TMEM74: variants seen among roughly 807,000 people sequenced by gnomAD.
TMEM74 encodes transmembrane protein 74.
TMEM74 carries 13 observed loss-of-function variants against 18.1 expected under a neutral mutation model. The observed-to-expected ratio is 0.72, with a 90% CI of 0.47 to 1.14. The LOEUF is 1.14. Among genes scored for constraint, TMEM74 ranks in the 50% most tolerant of loss-of-function variants. The pLI is 0.00. For missense variants in TMEM74, 372 were observed against 375.9 expected, an observed-to-expected ratio of 0.99 and a Z score of 0.09; for synonymous variants, 159 against 146.6, an observed-to-expected ratio of 1.08 and a Z score of -0.61.
chr8:108,729,222 C>T (rs1813670677), intron 1 of TMEM74, among the ~76,000 whole-genome samples: 1 of 152,178 alleles, frequency 6.6e-6, no homozygotes, highest in African/African-American at 2.4e-5. Context: ...GATTGAGATT[C>T]CTTCCCTGCT....
intron 1 of TMEM74, among the ~76,000 whole-genome samples, chr8:108,673,984 G>A (rs573134003): frequency 3.9e-5 from 6 of 151,976 alleles, no homozygotes; most frequent in East Asian, 1.9e-4. Flanking sequence ...TTTTTATAAC[G>A]TCCCAAGTTA....
At chr8:108,637,958 G>A (rs145118104) in intron 2 of TMEM74, among the ~76,000 whole-genome samples, 43 of 152,170 alleles carry the variant, frequency 2.8e-4, no homozygotes, top group African/African-American at 9.6e-4. Context: ...AAATTTTTTG[G>A]TGTTCTCCTA....
chr8:108,740,919 A>T (rs1480495077), intron 1 of TMEM74, among the ~76,000 whole-genome samples: 1 of 152,200 alleles, frequency 6.6e-6, no homozygotes, highest in Non-Finnish European at 1.5e-5. Flanking sequence ...ATTGGAAGAA[A>T]AGCTGGAAAT....
chr8:108,670,719 G>A (rs1018553223), intron 1 of TMEM74, among the ~76,000 whole-genome samples: 14 of 152,096 alleles, frequency 9.2e-5, no homozygotes, highest in Middle Eastern at 3.4e-3. Context: ...TGAATTTGGC[G>A]GTTTGTAACA....
At chr8:108,735,070 A>G (rs1813734215) in intron 1 of TMEM74, among the ~76,000 whole-genome samples, 1 of 152,106 alleles carries the variant, frequency 6.6e-6, no homozygotes, top group Admixed American at 6.6e-5. Flanking sequence ...TTCTCCGTCA[A>G]TGTCCATGTA....
chr8:108,680,546 C>T (rs1813102656), intron 1 of TMEM74, among the ~76,000 whole-genome samples: 3 of 152,088 alleles, frequency 2.0e-5, no homozygotes, highest in Non-Finnish European at 4.4e-5. Context: ...TATGACAAAC[C>T]CACAGCCAAT....
At chr8:108,770,149 C>A (rs1814155688) in intron 1 of TMEM74, among the ~76,000 whole-genome samples, 1 of 152,052 alleles carries the variant, frequency 6.6e-6, no homozygotes, top group African/African-American at 2.4e-5. Flanking sequence ...GGCTCATGGA[C>A]AGCCTTTGTG....
chr8:108,652,197 A>T (rs1278925196), intron 2 of TMEM74, among the ~76,000 whole-genome samples: 1 of 152,248 alleles, frequency 6.6e-6, no homozygotes, highest in Non-Finnish European at 1.5e-5. Context: ...AAACATTAAA[A>T]GTATCCATCA....
intron 1 of TMEM74, among the ~76,000 whole-genome samples, chr8:108,680,421 G>A (rs1170738601): frequency 2.0e-5 from 3 of 152,146 alleles, no homozygotes; most frequent in Non-Finnish European, 2.9e-5. Context: ...AAAACCACAT[G>A]ATTATCTCAA....
At chr8:108,630,475 G>C (rs1335210003) in intron 2 of TMEM74, among the ~76,000 whole-genome samples, 1 of 151,952 alleles carries the variant, frequency 6.6e-6, no homozygotes, top group African/African-American at 2.4e-5. Flanking sequence ...TGGACCAAGT[G>C]GACCTAATAG....
At chr8:108,703,619 C>A (rs1055852153) in intron 1 of TMEM74, among the ~76,000 whole-genome samples, 1 of 152,174 alleles carries the variant, frequency 6.6e-6, no homozygotes, top group African/African-American at 2.4e-5. Flanking sequence ...GATAGATTTG[C>A]CTGTTTCATA....
chr8:108,711,299 G>A (rs1039895756), intron 1 of TMEM74, among the ~76,000 whole-genome samples: 5 of 152,144 alleles, frequency 3.3e-5, no homozygotes, highest in Non-Finnish European at 7.3e-5. Context: ...CATGCATTGT[G>A]AATTAAAAGG....
At chr8:108,689,590 C>G (rs1296252477) in intron 1 of TMEM74, among the ~76,000 whole-genome samples, 1 of 152,062 alleles carries the variant, frequency 6.6e-6, no homozygotes, top group Non-Finnish European at 1.5e-5. Flanking sequence ...ATATAAGAGC[C>G]AAGACATGGT....
intron 1 of TMEM74, among the ~76,000 whole-genome samples, chr8:108,722,227 C>T (rs749364743): frequency 6.6e-5 from 10 of 152,138 alleles, no homozygotes; most frequent in Non-Finnish European, 1.2e-4. Flanking sequence ...GTCCCTTTTG[C>T]CTTTTAAAGT....
chr8:108,639,761 G>T (rs541705170), intron 2 of TMEM74, among the ~76,000 whole-genome samples: 1 of 152,126 alleles, frequency 6.6e-6, no homozygotes, highest in African/African-American at 2.4e-5. Context: ...GACTCATTTT[G>T]GTCCCTACGT....
chr8:108,762,731 C>T (rs1250829913), intron 1 of TMEM74, among the ~76,000 whole-genome samples: 1 of 152,098 alleles, frequency 6.6e-6, no homozygotes, highest in Admixed American at 6.6e-5. Context: ...CCTGTCTCCT[C>T]TACTAGATCC....
At chr8:108,680,722 A>G (rs894073138) in intron 1 of TMEM74, among the ~76,000 whole-genome samples, 1 of 152,208 alleles carries the variant, frequency 6.6e-6, no homozygotes, top group Non-Finnish European at 1.5e-5. Flanking sequence ...GAGGAAGTCA[A>G]ATTGTCCCTG....
chr8:108,698,409 T>C (rs1350237890), intron 1 of TMEM74, among the ~76,000 whole-genome samples: 1 of 152,196 alleles, frequency 6.6e-6, no homozygotes, highest in African/African-American at 2.4e-5. Flanking sequence ...AATAAGTTAC[T>C]TGAACTCTCT....
intron 1 of TMEM74, among the ~76,000 whole-genome samples, chr8:108,674,794 C>T (rs1219981408): frequency 1.3e-5 from 2 of 152,176 alleles, no homozygotes; most frequent in Non-Finnish European, 2.9e-5. Context: ...GAATTGTCCT[C>T]CGTAGAGTTG....
Sources: gnomAD v4.1 joint callset for allele counts (sites outside exome capture counted in the v4.1 genomes callset) on GRCh38, gnomAD v4.1.1 for gene constraint, MANE v1.5 for transcripts, NCBI Gene and HGNC (gene_info 2026-07-23, HGNC 2026-07-21) for gene names.